Variants in CCPG1 observed in about 807,000 individuals in gnomAD.
The protein encoded by CCPG1 is cell cycle progression 1.
Under a neutral mutation model 81.3 loss-of-function variants are expected in CCPG1, and 46 were observed. The observed-to-expected ratio is 0.57, with a 90% CI of 0.45 to 0.72. CCPG1 has a LOEUF of 0.72. CCPG1 is among the 30% of genes least tolerant of loss of function. CCPG1 has a pLI of 0.00. For missense variants in CCPG1, 902 were observed against 937.6 expected (o/e 0.96, Z 0.50); for synonymous variants, 330 against 305.2 (o/e 1.08, Z -0.85).
intron 7 of CCPG1, 102 bp from the exon 8 acceptor site, chr15:55,361,046 T>G (rs1165120438): frequency 3.2e-6 from 4 of 1,255,354 alleles, no homozygotes; most frequent in African/African-American, 1.6e-5. Flanking sequence ...GTGTCTTTAC[T>G]TCTACAGATA....
intron 1 of CCPG1, among the ~76,000 whole-genome samples, chr15:55,397,281 A>C (rs1449530662): frequency 6.6e-6 from 1 of 152,098 alleles, no homozygotes; most frequent in Non-Finnish European, 1.5e-5. Flanking sequence ...GGACAGACTG[A>C]GTAGGGCTTA....
intron 3 of CCPG1, among the ~76,000 whole-genome samples, chr15:55,382,367 TCAA>T (rs1290999817): frequency 6.6e-6 from 1 of 152,218 alleles, no homozygotes; most frequent in Non-Finnish European, 1.5e-5. Flanking sequence ...TGTTGTCATT[TCAA>T]TAATATTCAC....
intron 6 of CCPG1, among the ~76,000 whole-genome samples, chr15:55,366,015 G>A (rs539846225): frequency 7.2e-5 from 11 of 152,208 alleles, no homozygotes; most frequent in African/African-American, 1.7e-4. Flanking sequence ...GAACGTTAAC[G>A]TAATATAAGT....
chr15:55,369,007 G>A (rs1321664834), intron 6 of CCPG1, among the ~76,000 whole-genome samples: 2 of 152,132 alleles, frequency 1.3e-5, no homozygotes, highest in Non-Finnish European at 2.9e-5. Flanking sequence ...AGCTACTCAG[G>A]AGGGTGAGAC....
chr15:55,361,768 A>C (rs1214190096), intron 7 of CCPG1, among the ~76,000 whole-genome samples: 1 of 152,178 alleles, frequency 6.6e-6, no homozygotes, highest in Non-Finnish European at 1.5e-5. Context: ...GGCTTCAAAA[A>C]TTGTTTGTAC....
At chr15:55,384,457 C>T (rs995996396) in intron 3 of CCPG1, among the ~76,000 whole-genome samples, 1 of 152,048 alleles carries the variant, frequency 6.6e-6, no homozygotes, top group Non-Finnish European at 1.5e-5. Flanking sequence ...GTCAGGAGTT[C>T]GAGACCAGGC....
intron 1 of CCPG1, among the ~76,000 whole-genome samples, chr15:55,396,882 C>G (rs764382900): frequency 2.0e-5 from 3 of 152,030 alleles, no homozygotes; most frequent in Non-Finnish European, 4.4e-5. Flanking sequence ...CTGTGTGGAT[C>G]GCCTAGCAGG....
chr15:55,378,457 G>C, intron 3 of CCPG1, 81 bp from the exon 4 acceptor site: 1 of 769,488 alleles, frequency 1.3e-6, no homozygotes, highest in Non-Finnish European at 2.1e-6. Flanking sequence ...ATATAATCTG[G>C]GTAGATAAAA....
At position 55,359,869 on chromosome 15, in the gene CCPG1, C is replaced by A. The variant is rs2056154886; in HGVS notation, c.1904G>T (p.Cys635Phe). The A allele has an allele frequency of 1.2e-6, 2 of 1,613,648 alleles. No individual in the cohort carries two copies. The highest frequency in any genetic ancestry group is 1.3e-5 in the African/African-American group (1 of 74,910). ...AAGGCTCATGGACTCTTGTTGAGCA[C>A]AATCAAATACACCAGAACAAGCCTT... is the stretch of plus-strand genomic sequence containing the variant. ...FRKACSGVFD[C>F]AQQESMSLFN... Residue 635 changes from cysteine to phenylalanine, a missense_variant, in exon 8 of 9, where the codon TGT becomes TTT. Cys to Phe is a radical substitution (Grantham distance 205, BLOSUM62 -2). Around this residue, in one of 3 missense-constraint regions of CCPG1, gnomAD observed 746 missense variants for 728.6 expected, o/e 1.02. Transcript: ENST00000442196.
intron 5 of CCPG1, among the ~76,000 whole-genome samples, chr15:55,376,503 A>T (rs1259055722): frequency 6.6e-6 from 1 of 152,244 alleles, no homozygotes; most frequent in Non-Finnish European, 1.5e-5. Flanking sequence ...CACATATGGT[A>T]GGTACTCAAT....
chr15:55,398,420 T>C (rs2057063893), intron 1 of CCPG1, among the ~76,000 whole-genome samples: 1 of 152,164 alleles, frequency 6.6e-6, no homozygotes, highest in Non-Finnish European at 1.5e-5. Context: ...TGTACTGTCA[T>C]GTGACCAAAG....
At chr15:55,381,676 G>A (rs923642968) in intron 3 of CCPG1, among the ~76,000 whole-genome samples, 1 of 152,282 alleles carries the variant, frequency 6.6e-6, no homozygotes, top group South Asian at 2.1e-4. Context: ...GAAATGTTCT[G>A]TATGCATTTT....
chr15:55,394,875 A>G (rs1467897323), intron 1 of CCPG1, among the ~76,000 whole-genome samples: 1 of 151,804 alleles, frequency 6.6e-6, no homozygotes, highest in Non-Finnish European at 1.5e-5. Context: ...TGATTGCTTA[A>G]CTGACCACCT....
At chr15:55,398,588 CTTTT>C (rs879725182) in intron 1 of CCPG1, among the ~76,000 whole-genome samples, 1 of 146,898 alleles carries the variant, frequency 6.8e-6, no homozygotes, top group Non-Finnish European at 1.5e-5. Flanking sequence ...CTAATGAAAA[CTTTT>C]TTTTTTTTGA....
chr15:55,370,475 A>G (rs2056423404), intron 6 of CCPG1, among the ~76,000 whole-genome samples: 1 of 152,200 alleles, frequency 6.6e-6, no homozygotes. Flanking sequence ...TACTCCAGTC[A>G]TTGTACAAAC....
rs201970644 is a variant in CCPG1 at position 55,359,989 on chromosome 15, T to G, written c.1784A>C (p.Glu595Ala). 3 of 1,613,008 alleles carry G rather than the reference T, an allele frequency of 1.9e-6. No homozygotes were observed. The highest frequency in any genetic ancestry group is 1.7e-6 in the Non-Finnish European group (2 of 1,179,810). Residue 595 changes from glutamate to alanine, a missense_variant, in exon 8 of 9, where the codon GAA becomes GCA. Transcript: ENST00000442196. ...GAATTCTTTAAAGTGAACTGGCTTT[T>G]CTTTCCTTCCATCATTTTGCATAGT... ...GPTMQNDGRKEKPVHFKEFRK... is the reference protein window; with the variant it reads ...GPTMQNDGRKAKPVHFKEFRK...
chr15:55,357,579 G>T (rs995642071), intron 8 of CCPG1: 53 of 276,204 alleles, frequency 1.9e-4, no homozygotes, highest in African/African-American at 1.2e-3. Flanking sequence ...GCGGGGTACA[G>T]TGGCTCACGA....
At chr15:55,372,650 C>T (rs1462805023) in intron 5 of CCPG1, 1 of 234,262 alleles carries the variant, frequency 4.3e-6, no homozygotes, top group Non-Finnish European at 8.4e-6. Flanking sequence ...CAGAGCAAAA[C>T]TCTGTCTCAA....
intron 4 of CCPG1, 53 bp downstream of exon 4, chr15:55,378,247 G>T: frequency 9.3e-7 from 1 of 1,077,746 alleles, no homozygotes; most frequent in Non-Finnish European, 1.4e-6. Flanking sequence ...GCTTTAAATA[G>T]TATTCTAAGG....
Sources: allele counts gnomAD v4.1 joint callset (sites outside exome capture counted in the v4.1 genomes callset), GRCh38; gene constraint gnomAD v4.1.1; regional missense constraint gnomAD v4.1.1; transcripts MANE v1.5; gene names NCBI Gene and HGNC (gene_info 2026-07-23, HGNC 2026-07-21).